The following KMT2E variants were observed in gnomAD, a reference collection of about 807,000 sequenced individuals.
The protein encoded by KMT2E is lysine methyltransferase 2E (inactive).
In KMT2E, 30 loss-of-function variants were observed where a neutral mutation model predicts 184.6. The observed-to-expected ratio is 0.16, with a 90% CI of 0.12 to 0.22. The LOEUF (loss-of-function observed/expected upper bound fraction) is 0.22, where lower values mean the gene tolerates loss of function less well. Among genes scored for constraint, KMT2E ranks in the 10% least tolerant of loss-of-function variants. The pLI is 1.00. For missense variants in KMT2E, 2,023 were observed against 2,237.4 expected (o/e 0.90, Z 1.93); for synonymous variants, 815 against 776.5 (o/e 1.05, Z -0.82).
intron 3 of KMT2E, among the ~76,000 whole-genome samples, chr7:105,057,957 G>A (rs751760614): frequency 2.6e-5 from 4 of 152,254 alleles, no homozygotes; most frequent in East Asian, 1.9e-4. Flanking sequence ...ATTGGGATCC[G>A]ATCGAAATTC....
intron 3 of KMT2E, among the ~76,000 whole-genome samples, chr7:105,055,069 G>C (rs1300562081): frequency 6.6e-6 from 1 of 152,064 alleles, no homozygotes; most frequent in African/African-American, 2.4e-5. Context: ...CTGAATCTAG[G>C]AGAATTATTT....
intron 3 of KMT2E, among the ~76,000 whole-genome samples, chr7:105,042,118 G>A (rs1273690683): frequency 2.0e-5 from 3 of 152,120 alleles, no homozygotes; most frequent in Non-Finnish European, 2.9e-5. Flanking sequence ...AGCCTCCTGA[G>A]TAGCTGGGAT....
intron 22 of KMT2E, 57 bp from the exon 23 acceptor site, chr7:105,108,885 T>A: frequency 4.2e-6 from 6 of 1,429,452 alleles, no homozygotes; most frequent in Non-Finnish European, 5.7e-6. Flanking sequence ...AATGCATTGG[T>A]TCTGACATAA....
In KMT2E at chr7:105,112,907, A is replaced by G. The variant is rs759131191; in HGVS notation, c.5151A>G (p.Pro1717=). The change falls in exon 27 of 27, where the codon CCA becomes CCG. Residue 1717 remains proline, a synonymous_variant. Transcript: ENST00000311117. The part of the protein sequence containing the change: ...HQHVVNSAPP[P]PPPPPPSSVL... ...ATGTTGTAAATTCAGCACCCCCACCACCCCCTCCGCCGCCACCTTCCAGTG... is the reference window on the plus strand; with the variant it reads ...ATGTTGTAAATTCAGCACCCCCACCGCCCCCTCCGCCGCCACCTTCCAGTG... 2 of 1,603,828 alleles carry G rather than the reference A, an allele frequency of 1.2e-6. No individual in the cohort carries two copies. Among genetic ancestry groups the G allele is most frequent in the East Asian group, 4.5e-5 (2 of 44,432 alleles).
chr7:105,076,818 T>A lies in KMT2E; in HGVS notation c.769-145T>A, dbSNP rs554105275. ...TCCACATTTCTGGAAAAGAAACCGT[T>A]AAACAGCAGTTTCTAGTTTATATTA... On this transcript the variant is annotated intron_variant, in intron 9 of 26. Transcript: ENST00000311117. 22 of 647,232 alleles carry A rather than the reference T, an allele frequency of 3.4e-5. No homozygotes were observed. The South Asian group carries it at 4.3e-4, about 13-fold the overall frequency. 40.1% of individuals were successfully genotyped at this position (647,232 alleles called of 1,614,324 possible). A position where few individuals can be genotyped will look rare whatever the true frequency, so the allele number is the denominator to read the frequency against.
rs766667530 is a variant in KMT2E, at chr7:105,111,995, G to T, written c.4239G>T (p.Lys1413Asn). 12 of 1,614,146 alleles carry T rather than the reference G, an allele frequency of 7.4e-6. No individual in the cohort carries two copies. Among genetic ancestry groups the T allele is most frequent in the Non-Finnish European group, 1.0e-5 (12 of 1,180,024 alleles). ...CAAATAACAACCAAGCACTTTCAAAGAATCATCCTCCTCAGACACACGTTC... is the reference window on the plus strand; with the variant it reads ...CAAATAACAACCAAGCACTTTCAAATAATCATCCTCCTCAGACACACGTTC... ...QLSNNNQALS[K>N]NHPPQTHVRN... Residue 1413 changes from lysine to asparagine, a missense_variant, in exon 27 of 27, where the codon AAG (lysine) becomes AAT (asparagine). Coordinates refer to ENST00000311117, the MANE Select transcript of KMT2E (RefSeq NM_182931.3).
chr7:105,053,300 T>C lies in KMT2E; in HGVS notation c.72-8864T>C, dbSNP rs117360974. Among the ~76,000 whole-genome samples, 344 of 152,064 alleles carry C rather than the reference T, an allele frequency of 2.3e-3. 12 individuals are homozygous for C. The East Asian group carries it at 0.063, about 28-fold the overall frequency. On this transcript the variant is annotated intron_variant, in intron 3 of 26. Coordinates refer to ENST00000311117, the MANE Select transcript of KMT2E (RefSeq NM_182931.3). ...TGTTTACTGACCATGATATAATAAATTGAGACATAACGTAGGAAGAGAAGG... is the reference window on the plus strand; with the variant it reads ...TGTTTACTGACCATGATATAATAAACTGAGACATAACGTAGGAAGAGAAGG...
chr7:105,109,997 ATT>A (rs927010742), intron 23 of KMT2E, among the ~76,000 whole-genome samples: 1 of 150,750 alleles, frequency 6.6e-6, no homozygotes, highest in Non-Finnish European at 1.5e-5. Flanking sequence ...TGCCTGGCTA[ATT>A]TTTTTTTGTA....
intron 11 of KMT2E, 58 bp downstream of exon 11, chr7:105,077,491 T>A: frequency 7.4e-7 from 1 of 1,345,088 alleles, no homozygotes; most frequent in Non-Finnish European, 1.1e-6. Flanking sequence ...AACTTTTGGC[T>A]GTTTTACCTA....
intron 17 of KMT2E, 132 bp downstream of exon 17, chr7:105,102,326 C>A: frequency 1.6e-6 from 1 of 641,198 alleles, no homozygotes; most frequent in Non-Finnish European, 2.5e-6. Context: ...GATTTTAAAA[C>A]TAAGAATGAG....
At position 105,090,146 on chromosome 7, in the gene KMT2E, C is replaced by T. The variant is rs200771249; in HGVS notation, c.1496C>T (p.Ser499Leu). ...AAAGGAAAAAAAGACAAAGATATTT[C>T]AAAAGAAAAAGATACACAAAATCAG... ...RKKGKKDKDISKEKDTQNQNI... is the reference protein window; with the variant it reads ...RKKGKKDKDILKEKDTQNQNI... The change falls in exon 14 of 27, where the codon TCA becomes TTA. Residue 499 changes from serine (S) to leucine (L), a missense_variant. By Grantham distance (145) the Ser-to-Leu change is moderately radical. Around this residue, in one of 8 missense-constraint regions of KMT2E, gnomAD observed 514 missense variants for 621.8 expected, o/e 0.83. Coordinates refer to ENST00000311117, the MANE Select transcript of KMT2E (RefSeq NM_182931.3). 1 of 1,612,818 alleles carries T rather than the reference C, an allele frequency of 6.2e-7. No individual in the cohort carries two copies. Among genetic ancestry groups the T allele is most frequent in the African/African-American group, 1.3e-5 (1 of 74,814 alleles).
intron 2 of KMT2E, among the ~76,000 whole-genome samples, chr7:105,040,591 G>A (rs1020349144): frequency 1.3e-5 from 2 of 152,060 alleles, no homozygotes; most frequent in Admixed American, 6.6e-5. Context: ...ATAATTTTTG[G>A]TTCTTCACTA....
intron 6 of KMT2E, among the ~76,000 whole-genome samples, chr7:105,068,996 C>G (rs970914725): frequency 2.6e-5 from 4 of 152,120 alleles, no homozygotes; most frequent in Non-Finnish European, 5.9e-5. Flanking sequence ...TCAGTAGGAA[C>G]CTCTTCAAGC....
At chr7:105,016,267 C>T (rs1028635322) in intron 1 of KMT2E, among the ~76,000 whole-genome samples, 2 of 152,128 alleles carry the variant, frequency 1.3e-5, no homozygotes, top group Non-Finnish European at 2.9e-5. Context: ...ATCCATTTTT[C>T]CCATGTATTT....
intron 1 of KMT2E, among the ~76,000 whole-genome samples, chr7:105,017,063 C>T (rs1794745323): frequency 6.6e-6 from 1 of 152,116 alleles, no homozygotes; most frequent in Admixed American, 6.6e-5. Context: ...TATTTAAGTC[C>T]AGATCATTCA....
chr7:105,109,604 G>A (rs1394373567), intron 23 of KMT2E, among the ~76,000 whole-genome samples: 3 of 152,152 alleles, frequency 2.0e-5, no homozygotes, highest in African/African-American at 7.2e-5. Flanking sequence ...ATGGCAGGCA[G>A]CCACACTCAC....
chr7:105,050,643 CTTTTT>C (rs372753761), intron 3 of KMT2E, among the ~76,000 whole-genome samples: 1 of 87,938 alleles, frequency 1.1e-5, no homozygotes, highest in East Asian at 3.1e-4. Flanking sequence ...TTTCTCTTTT[CTTTTT>C]TCTTTCTTTC....
At chr7:105,090,961 G>A (rs1798177987) in intron 14 of KMT2E, among the ~76,000 whole-genome samples, 3 of 152,150 alleles carry the variant, frequency 2.0e-5, no homozygotes, top group South Asian at 4.2e-4. Context: ...CTTTATAAAT[G>A]TAAGGCCATG....
chr7:105,044,148 A>G (rs995301242), intron 3 of KMT2E, among the ~76,000 whole-genome samples: 24 of 152,162 alleles, frequency 1.6e-4, no homozygotes, highest in African/African-American at 5.1e-4. Flanking sequence ...AATGTTCTCT[A>G]TATTTGTAAA....
Sources: gnomAD v4.1 joint callset for allele counts (sites outside exome capture counted in the v4.1 genomes callset) on GRCh38, gnomAD v4.1.1 for gene constraint, gnomAD v4.1.1 regional missense constraint, MANE v1.5 for transcripts, NCBI Gene and HGNC (gene_info 2026-07-23, HGNC 2026-07-21) for gene names.